The following EYA4 variants were observed in gnomAD, a reference collection of about 807,000 sequenced individuals.
EYA4 encodes the protein EYA transcriptional coactivator and phosphatase 4.
A neutral mutation model predicts 87.9 loss-of-function variants in EYA4; 31 were observed. The ratio of observed to expected loss-of-function variants is 0.35; its 90% CI spans 0.27 to 0.48. EYA4 has a LOEUF of 0.48. Ranked by LOEUF, EYA4 falls within the 20% of genes least tolerant of loss-of-function variation. The pLI, the probability that EYA4 is intolerant of heterozygous loss-of-function variation, is 0.99. For missense variants in EYA4, 678 were observed against 761.4 expected, an observed-to-expected ratio of 0.89 and a Z score of 1.29; for synonymous variants, 263 against 270.6, an observed-to-expected ratio of 0.97 and a Z score of 0.28.
chr6:133,323,746 A>G (rs1301383835), intron 2 of EYA4, among the ~76,000 whole-genome samples: 1 of 152,192 alleles, frequency 6.6e-6, no homozygotes, highest in Non-Finnish European at 1.5e-5. Flanking sequence ...TTCCAGTAAC[A>G]GGTTTGATAT....
At chr6:133,268,254 A>T (rs1416988285) in intron 1 of EYA4, among the ~76,000 whole-genome samples, 1 of 152,194 alleles carries the variant, frequency 6.6e-6, no homozygotes, top group African/African-American at 2.4e-5. Flanking sequence ...TTTACTAAAG[A>T]TATTTTCCAT....
chr6:133,356,449 T>C (rs1784040224), intron 2 of EYA4, among the ~76,000 whole-genome samples: 1 of 152,226 alleles, frequency 6.6e-6, no homozygotes, highest in African/African-American at 2.4e-5. Context: ...AACTTCGTGC[T>C]TGACTAGAAT....
At chr6:133,356,093 C>A (rs77309281) in intron 2 of EYA4, among the ~76,000 whole-genome samples, 13,426 of 151,794 alleles carry the variant, frequency 0.088, 757 homozygotes, top group East Asian at 0.15. Flanking sequence ...AGAGTGTGCT[C>A]CTGCTTGCTA....
intron 9 of EYA4, 108 bp downstream of exon 9, chr6:133,462,872 C>A: frequency 1.0e-6 from 1 of 959,502 alleles, no homozygotes; most frequent in Non-Finnish European, 1.7e-6. Context: ...TAAGCTTTAT[C>A]ACAGCTCACA....
At chr6:133,435,797 A>G (rs974103401) in intron 3 of EYA4, among the ~76,000 whole-genome samples, 3 of 152,134 alleles carry the variant, frequency 2.0e-5, no homozygotes, top group African/African-American at 4.8e-5. Context: ...ATTCCACAGT[A>G]TATTTTTCCT....
In EYA4 at chr6:133,274,752, G is replaced by T; in HGVS notation, c.-29G>T. 1 of 1,605,340 alleles carries T rather than the reference G, an allele frequency of 6.2e-7. No homozygotes were observed. The highest frequency in any genetic ancestry group is 8.5e-7 in the Non-Finnish European group (1 of 1,172,252). On this transcript the variant is annotated 5_prime_UTR_variant, in exon 2 of 20. Coordinates refer to ENST00000355286, the MANE Select transcript of EYA4 (RefSeq NM_004100.5). ...TACTTGAAGGAAGCTGCTTCTACTT[G>T]GGAGTGGCAGGAGAAGTGAGAAAAC...
chr6:133,444,777 T>C (rs920353333), intron 3 of EYA4, among the ~76,000 whole-genome samples: 4 of 152,192 alleles, frequency 2.6e-5, no homozygotes, highest in Non-Finnish European at 5.9e-5. Flanking sequence ...TCAGCAGCTA[T>C]GGGAATGAGT....
intron 2 of EYA4, among the ~76,000 whole-genome samples, chr6:133,373,660 G>A (rs1022473732): frequency 3.3e-5 from 5 of 152,016 alleles, no homozygotes; most frequent in Non-Finnish European, 2.9e-5. Context: ...ACATTGTAAA[G>A]CATTTATCCA....
Position 133,328,570 on chromosome 6 carries a change from A to G in EYA4, c.33+53757A>G, listed in dbSNP as rs189122595. Among the ~76,000 whole-genome samples the G allele has an allele frequency of 1.6e-3, 242 of 152,300 alleles. 1 individual carries two copies. The highest frequency in any genetic ancestry group is 2.8e-3 in the Non-Finnish European group (188 of 67,980). ...TTTAGGTAGAGAATAAAATATATGT[A>G]GAAGTGAAATCTATCTACTATATGT... On this transcript the variant is annotated intron_variant, in intron 2 of 19. Transcript: ENST00000355286.
chr6:133,342,572 G>A (rs1782860236), intron 2 of EYA4, among the ~76,000 whole-genome samples: 1 of 33,616 alleles, frequency 3.0e-5, no homozygotes. Flanking sequence ...GGTACACACT[G>A]CCATATATAT....
intron 19 of EYA4, among the ~76,000 whole-genome samples, chr6:133,527,221 C>T (rs972850557): frequency 6.6e-6 from 1 of 152,114 alleles, no homozygotes; most frequent in Non-Finnish European, 1.5e-5. Context: ...TTGGATGTAG[C>T]GGTAATCGCA....
chr6:133,266,815 C>A (rs951333517), intron 1 of EYA4, among the ~76,000 whole-genome samples: 3 of 152,014 alleles, frequency 2.0e-5, no homozygotes, highest in African/African-American at 7.2e-5. Context: ...AATGGCTATA[C>A]ATTTGAGAAA....
intron 3 of EYA4, among the ~76,000 whole-genome samples, chr6:133,441,359 C>T (rs1792269412): frequency 6.6e-6 from 1 of 152,086 alleles, no homozygotes; most frequent in African/African-American, 2.4e-5. Flanking sequence ...TCTCCCTATG[C>T]AATATAGAGA....
chr6:133,410,100 C>A (rs1390507505), intron 3 of EYA4, among the ~76,000 whole-genome samples: 1 of 151,974 alleles, frequency 6.6e-6, no homozygotes, highest in African/African-American at 2.4e-5. Flanking sequence ...ATTTGCAAAA[C>A]CAGTTTAGAT....
chr6:133,383,273 C>A (rs1376394031), intron 3 of EYA4, among the ~76,000 whole-genome samples: 2 of 151,984 alleles, frequency 1.3e-5, no homozygotes, highest in African/African-American at 2.4e-5. Flanking sequence ...ATGTTAATGG[C>A]CAAGGCCAAG....
chr6:133,410,480 T>A (rs1347620469), intron 3 of EYA4, among the ~76,000 whole-genome samples: 4 of 150,506 alleles, frequency 2.7e-5, no homozygotes, highest in African/African-American at 9.7e-5. Flanking sequence ...GGACATTGGA[T>A]AATTACTATT....
intron 9 of EYA4, among the ~76,000 whole-genome samples, chr6:133,464,123 AC>A (rs1396963850): frequency 6.6e-6 from 1 of 151,998 alleles, no homozygotes; most frequent in Non-Finnish European, 1.5e-5. Context: ...TTCCATAAGG[AC>A]TTTTTTTTTA....
chr6:133,343,567 A>G (rs370477751), intron 2 of EYA4, among the ~76,000 whole-genome samples: 107 of 95,686 alleles, frequency 1.1e-3, no homozygotes, highest in African/African-American at 3.8e-3. Context: ...CCCCGCCACC[A>G]CCCCCCCCAC....
At chr6:133,418,542 A>C (rs1459715103) in intron 3 of EYA4, among the ~76,000 whole-genome samples, 1 of 152,224 alleles carries the variant, frequency 6.6e-6, no homozygotes, top group South Asian at 2.1e-4. Flanking sequence ...GCATATATAT[A>C]CACATACATT....
Sources: allele counts gnomAD v4.1 joint callset (sites outside exome capture counted in the v4.1 genomes callset), GRCh38; gene constraint gnomAD v4.1.1; transcripts MANE v1.5; gene names NCBI Gene and HGNC (gene_info 2026-07-23, HGNC 2026-07-21).